ZNF333: variants seen among roughly 807,000 people sequenced by gnomAD.
ZNF333 encodes the protein zinc finger protein 333.
In ZNF333, 61 loss-of-function variants were observed where a neutral mutation model predicts 76.1. The observed-to-expected ratio is 0.80, with a 90% CI of 0.65 to 0.99. The LOEUF (loss-of-function observed/expected upper bound fraction) is 0.99, where lower values mean the gene tolerates loss of function less well. Among genes scored for constraint, ZNF333 ranks in the 50% least tolerant of loss-of-function variants. The pLI, the probability that ZNF333 is intolerant of heterozygous loss-of-function variation, is 0.00. For synonymous variants in ZNF333, 284 were observed against 305.0 expected, an observed-to-expected ratio of 0.93 and a Z score of 0.72; for missense variants, 717 against 822.4, an observed-to-expected ratio of 0.87 and a Z score of 1.57.
In ZNF333 at chr19:14,719,299, C is replaced by A. The variant is rs1410349750; in HGVS notation, c.1972C>A (p.Pro658Thr). ...CAGCCTGCCTTTATCCATGTCTCATCCATACTGTGGGCCCCTTGCTAATTA... is the reference window on the plus strand; with the variant it reads ...CAGCCTGCCTTTATCCATGTCTCATACATACTGTGGGCCCCTTGCTAATTA... Reference protein sequence around the residue: ...NGSLPLSMSHPYCGPLAN With the variant: ...NGSLPLSMSHTYCGPLAN The change falls in exon 12 of 12, where the codon CCA (proline) becomes ACA (threonine). Residue 658 changes from proline (P) to threonine (T), a missense_variant. Coordinates refer to ENST00000292530, the MANE Select transcript of ZNF333 (RefSeq NM_032433.4). 1.2e-6 allele frequency: 2 copies of A among 1,611,718 alleles called. No individual in the cohort carries two copies. The highest frequency in any genetic ancestry group is 1.7e-6 in the Non-Finnish European group (2 of 1,178,750).
chr19:14,718,642 T>G lies in ZNF333; in HGVS notation c.1315T>G (p.Leu439Val). 1 of 1,613,700 alleles carries G rather than the reference T, an allele frequency of 6.2e-7. No homozygotes were observed. Among genetic ancestry groups the G allele is most frequent in the Non-Finnish European group, 8.5e-7 (1 of 1,179,998 alleles). The change falls in exon 12 of 12, where the codon TTG becomes GTG. Residue 439 changes from leucine (L) to valine (V), a missense_variant. Leu to Val is a conservative substitution (Grantham distance 32). Coordinates refer to ENST00000292530, the MANE Select transcript of ZNF333 (RefSeq NM_032433.4). ...CTTCACGAGGAACTTTAACCTGATT[T>G]TGCACCAGAGAAACCACACAGGAGA... ...KTFTRNFNLI[L>V]HQRNHTGEKP...
In ZNF333 at chr19:14,698,931, T is replaced by TAGATAG. The variant is rs1187342140; in HGVS notation, c.224-267_224-266insGATAGA. On this transcript the variant is annotated intron_variant, in intron 4 of 11. Coordinates refer to ENST00000292530, the MANE Select transcript of ZNF333 (RefSeq NM_032433.4). ...ATATATATATATATATATATATATA[T>TAGATAG]ATATACACACATATATATTTTCAAT... 1.6e-4 allele frequency among the ~76,000 whole-genome samples: 23 copies of TAGATAG among 140,276 alleles called. 1 individual carries two copies. The highest frequency in any genetic ancestry group is 6.7e-4 in the South Asian group (3 of 4,488). 92.0% of individuals were successfully genotyped at this position (140,276 alleles called of 152,430 possible).
intron 11 of ZNF333, among the ~76,000 whole-genome samples, chr19:14,730,557 G>A (rs528755758): frequency 1.4e-5 from 2 of 140,038 alleles, no homozygotes; most frequent in African/African-American, 5.2e-5. Context: ...TTCTTGCACT[G>A]TAAATTTAAG....
chr19:14,701,778 C>T (rs370337573), intron 5 of ZNF333: 1 of 985,442 alleles, frequency 1.0e-6, no homozygotes, highest in South Asian at 4.7e-5. Flanking sequence ...TACATCAGAG[C>T]CCCAGGAAAC....
intron 4 of ZNF333, among the ~76,000 whole-genome samples, chr19:14,698,915 T>TAG (rs1973454859): frequency 6.1e-5 from 3 of 49,144 alleles, no homozygotes; most frequent in South Asian, 9.0e-4. Flanking sequence ...TATATATATA[T>TAG]ATATATATAT....
intron 2 of ZNF333, among the ~76,000 whole-genome samples, chr19:14,693,891 G>A (rs1039513627): frequency 6.6e-6 from 1 of 150,870 alleles, no homozygotes; most frequent in Non-Finnish European, 1.5e-5. Context: ...GAGGTGGGAG[G>A]ATAGCTTGAG....
chr19:14,695,461 G>A, intron 3 of ZNF333, 105 bp from the exon 4 acceptor site: 1 of 1,110,062 alleles, frequency 9.0e-7, no homozygotes, highest in South Asian at 1.3e-5. Context: ...CAGAGAATCT[G>A]AAGCCCATAT....
At chr19:14,702,358 T>C (rs1464438774) in intron 5 of ZNF333, among the ~76,000 whole-genome samples, 1 of 152,092 alleles carries the variant, frequency 6.6e-6, no homozygotes, top group Non-Finnish European at 1.5e-5. Flanking sequence ...CTGCAAAACA[T>C]ACAAAAATTA....
chr19:14,722,781 T>G, downstream of ZNF333, among the ~76,000 whole-genome samples: 1 of 152,192 alleles, frequency 6.6e-6, no homozygotes, highest in African/African-American at 2.4e-5. Context: ...TCTGTTTGTT[T>G]GTTTGTTCGT....
At chr19:14,711,513 A>G (rs992869833) in intron 7 of ZNF333, among the ~76,000 whole-genome samples, 2 of 152,104 alleles carry the variant, frequency 1.3e-5, no homozygotes, top group African/African-American at 4.8e-5. Flanking sequence ...CTACAAAATA[A>G]GAAAATTAGC....
At chr19:14,699,891 G>A (rs188243647) in intron 5 of ZNF333, among the ~76,000 whole-genome samples, 1 of 152,152 alleles carries the variant, frequency 6.6e-6, no homozygotes, top group Admixed American at 6.5e-5. Context: ...CACACTCGAC[G>A]AACTCCAGCT....
At chr19:14,706,275 C>T (rs570904512) in intron 6 of ZNF333, 23 of 425,938 alleles carry the variant, frequency 5.4e-5, no homozygotes, top group South Asian at 3.5e-4. Flanking sequence ...GAGAAGAGAC[C>T]ACATCCTACT....
intron 7 of ZNF333, chr19:14,708,100 C>T (rs953391572): frequency 7.3e-5 from 28 of 384,790 alleles, no homozygotes; most frequent in East Asian, 6.3e-4. Flanking sequence ...CTCTGCCTCC[C>T]GGGTTCAAGC....
chr19:14,695,543 C>A, intron 3 of ZNF333, 23 bp from the exon 4 acceptor site: 1 of 1,610,302 alleles, frequency 6.2e-7, no homozygotes, highest in Non-Finnish European at 8.5e-7. Flanking sequence ...TCTCTCAGTG[C>A]CTGTGTCTTT....
At chr19:14,716,882 C>T (rs2042446316) in intron 9 of ZNF333, 112 bp from the exon 10 acceptor site, 3 of 885,626 alleles carry the variant, frequency 3.4e-6, no homozygotes, top group East Asian at 2.8e-5. Flanking sequence ...AATTTAGGCA[C>T]ATGCATTTTG....
At chr19:14,702,367 T>C (rs1206238508) in intron 5 of ZNF333, among the ~76,000 whole-genome samples, 1 of 152,132 alleles carries the variant, frequency 6.6e-6, no homozygotes, top group Non-Finnish European at 1.5e-5. Flanking sequence ...ATACAAAAAT[T>C]AGTCATGGCT....
At chr19:14,705,701 G>T (rs994660527) in intron 6 of ZNF333, among the ~76,000 whole-genome samples, 1 of 152,222 alleles carries the variant, frequency 6.6e-6, no homozygotes, top group Non-Finnish European at 1.5e-5. Context: ...GGAGGTGAGC[G>T]GCGAGCATCC....
chr19:14,695,263 A>C, intron 3 of ZNF333, 130 bp downstream of exon 3: 2 of 1,318,420 alleles, frequency 1.5e-6, no homozygotes, highest in Non-Finnish European at 2.0e-6. Flanking sequence ...ACAAAGCTTC[A>C]TCTGTTGCAT....
Position 14,720,155 on chromosome 19 carries a change from C to T in ZNF333, c.*830C>T. On this transcript the variant is annotated 3_prime_UTR_variant, in exon 12 of 12. Transcript: ENST00000292530. ...GAGCCGAGATTGCGCCACTGCACTC[C>T]AGCCTGGGCAACAGAGTGAAACTCT... 3 of 967,334 alleles carry T rather than the reference C, an allele frequency of 3.1e-6. No homozygotes were observed. Among genetic ancestry groups the T allele is most frequent in the Non-Finnish European group, 3.7e-6 (3 of 813,576 alleles). The allele number at this position is 967,334 out of a possible 1,614,324, so 59.9% of individuals were successfully genotyped here.
Sources: allele counts gnomAD v4.1 joint callset (sites outside exome capture counted in the v4.1 genomes callset), GRCh38; gene constraint gnomAD v4.1.1; transcripts MANE v1.5; gene names NCBI Gene and HGNC (gene_info 2026-07-23, HGNC 2026-07-21).